Variants in LIMCH1 observed in about 807,000 individuals in gnomAD.
LIMCH1 encodes the protein LIM and calponin homology domains 1, also known as LIM and calponin homology domains-containing protein 1.
LIMCH1 carries 113 observed loss-of-function variants against 176.5 expected under a neutral mutation model. The ratio of observed to expected loss-of-function variants is 0.64; its 90% CI spans 0.55 to 0.75. The LOEUF is 0.75. Among genes scored for constraint, LIMCH1 ranks in the 30% least tolerant of loss-of-function variants. The probability of loss-of-function intolerance (pLI) is 0.00; values close to 1 mark genes in which losing one functional copy is unlikely to be tolerated. For synonymous variants in LIMCH1, 619 were observed against 645.9 expected, an observed-to-expected ratio of 0.96 and a Z score of 0.63; for missense variants, 1,674 against 1,814.9, an observed-to-expected ratio of 0.92 and a Z score of 1.41.
At chr4:41,543,450 G>C (rs1441099789) in intron 1 of LIMCH1, among the ~76,000 whole-genome samples, 1 of 152,078 alleles carries the variant, frequency 6.6e-6, no homozygotes, top group Non-Finnish European at 1.5e-5. Context: ...ATTTACTCAA[G>C]TAAGACTGTA....
intron 31 of LIMCH1, among the ~76,000 whole-genome samples, chr4:41,694,120 A>T (rs1344310805): frequency 6.6e-6 from 1 of 152,126 alleles, no homozygotes; most frequent in Non-Finnish European, 1.5e-5. Context: ...TAAGAAAGTG[A>T]TTTGGAGGTA....
At chr4:41,542,939 G>A (rs1365803356) in intron 1 of LIMCH1, among the ~76,000 whole-genome samples, 1 of 152,172 alleles carries the variant, frequency 6.6e-6, no homozygotes, top group Admixed American at 6.5e-5. Context: ...TTCGATGCTG[G>A]CAAAACTGAT....
chr4:41,427,107 A>C (rs1297996467), intron 1 of LIMCH1, among the ~76,000 whole-genome samples: 1 of 152,230 alleles, frequency 6.6e-6, no homozygotes, highest in East Asian at 1.9e-4. Flanking sequence ...TGGTGGTCAG[A>C]GAAAGTGGCA....
chr4:41,605,536 C>T (rs2090573640), intron 3 of LIMCH1, among the ~76,000 whole-genome samples: 1 of 152,220 alleles, frequency 6.6e-6, no homozygotes, highest in African/African-American at 2.4e-5. Context: ...CATTGCTTCT[C>T]TGGATAAAGA....
At chr4:41,544,256 G>A (rs1204385993) in intron 1 of LIMCH1, among the ~76,000 whole-genome samples, 5 of 152,136 alleles carry the variant, frequency 3.3e-5, no homozygotes, top group Non-Finnish European at 7.3e-5. Context: ...GTGACTCCTC[G>A]AAAGACTGTG....
At chr4:41,447,860 C>T (rs1296600873) in intron 1 of LIMCH1, among the ~76,000 whole-genome samples, 4 of 152,178 alleles carry the variant, frequency 2.6e-5, no homozygotes. Context: ...GCGCGATTTC[C>T]GCTGACTGCA....
chr4:41,525,242 G>A (rs537371729), intron 3 of LIMCH1, among the ~76,000 whole-genome samples: 10 of 150,362 alleles, frequency 6.7e-5, no homozygotes, highest in South Asian at 6.2e-4. Flanking sequence ...GCGTGCACAC[G>A]CGCGCGCACA....
chr4:41,516,414 C>T (rs2075588555), intron 2 of LIMCH1, among the ~76,000 whole-genome samples: 1 of 152,192 alleles, frequency 6.6e-6, no homozygotes. Context: ...AAAGCACTCT[C>T]TTCAGATTTA....
intron 3 of LIMCH1, 93 bp downstream of exon 3, chr4:41,603,998 T>C (rs2090344201): frequency 2.6e-6 from 3 of 1,169,088 alleles, no homozygotes; most frequent in African/African-American, 3.1e-5. Flanking sequence ...CTGGAAAAAG[T>C]CCTTAGAAAA....
chr4:41,527,497 C>G (rs2076776048), intron 3 of LIMCH1, among the ~76,000 whole-genome samples: 1 of 152,190 alleles, frequency 6.6e-6, no homozygotes, highest in African/African-American at 2.4e-5. Context: ...TGCAAAACAG[C>G]TGGCCTGTCC....
At chr4:41,630,524 C>G (rs929335191) in intron 9 of LIMCH1, among the ~76,000 whole-genome samples, 17 of 152,032 alleles carry the variant, frequency 1.1e-4, no homozygotes, top group African/African-American at 3.6e-4. Context: ...TTTTCTTATG[C>G]CCTTGTTTAT....
Position 41,464,577 on chromosome 4 carries a change from T to C in LIMCH1, c.97-29959T>C, listed in dbSNP as rs534157278. Among the ~76,000 whole-genome samples the C allele has an allele frequency of 1.2e-4, 18 of 152,094 alleles. No homozygotes were observed. In the East Asian group the frequency reaches 3.5e-3, roughly 30 times the overall value. On this transcript the variant is annotated intron_variant, in intron 1 of 26. Transcript: ENST00000313860. ...TTTTAGTAGAGACAGGGTTTCACCA[T>C]GTTGGTTGGGCTGGTCTCAAACTCC...
rs78030453 is a variant in LIMCH1 at position 41,372,191 on chromosome 4, C to A, written c.96+11255C>A. On this transcript the variant is annotated intron_variant, in intron 1 of 26. Coordinates refer to the LIMCH1 transcript ENST00000313860. ...TCTTTCCTCACACCCTTCCACCATG[C>A]GCTCTTGCCCCCCACCTTTTTGTGT... Among the ~76,000 whole-genome samples, 6 of 152,230 alleles carry A rather than the reference C, an allele frequency of 3.9e-5. No individual in the cohort carries two copies. The East Asian group carries it at 5.8e-4, about 15-fold the overall frequency.
intron 1 of LIMCH1, among the ~76,000 whole-genome samples, chr4:41,491,533 A>G (rs927342684): frequency 2.1e-5 from 3 of 142,360 alleles, no homozygotes; most frequent in African/African-American, 5.3e-5. Flanking sequence ...CACATCCCAT[A>G]CTGGGCGGCC....
At chr4:41,509,731 C>A (rs2074624343) in intron 2 of LIMCH1, among the ~76,000 whole-genome samples, 2 of 152,166 alleles carry the variant, frequency 1.3e-5, no homozygotes, top group African/African-American at 4.8e-5. Context: ...AGATGGAGAA[C>A]ATGGAAGGTG....
intron 1 of LIMCH1, among the ~76,000 whole-genome samples, chr4:41,376,719 G>T (rs1224046228): frequency 1.3e-5 from 2 of 152,110 alleles, no homozygotes; most frequent in Non-Finnish European, 2.9e-5. Context: ...AGAATTTTCT[G>T]CAATGTTTAC....
chr4:41,697,086 G>A, intron 31 of LIMCH1, 74 bp from the exon 32 acceptor site: 1 of 1,495,140 alleles, frequency 6.7e-7, no homozygotes, highest in South Asian at 1.1e-5. Context: ...TTGCTCATTA[G>A]GGAGGTTTTA....
At chr4:41,362,678 T>C (rs577727542) in intron 1 of LIMCH1, among the ~76,000 whole-genome samples, 1 of 152,324 alleles carries the variant, frequency 6.6e-6, no homozygotes, top group South Asian at 2.1e-4. Flanking sequence ...ATCTGAAGTG[T>C]ACACCTCCAT....
At position 41,472,250 on chromosome 4, in the gene LIMCH1, C is replaced by T. The variant is rs543138403; in HGVS notation, c.97-22286C>T. Among the ~76,000 whole-genome samples, 295 of 152,286 alleles carry T rather than the reference C, an allele frequency of 1.9e-3. 3 individuals are homozygous for T. Among genetic ancestry groups the T allele is most frequent in the South Asian group, 4.6e-3 (22 of 4,828 alleles). ...GTGTGCCAGTACAGCAAAGGCCAAA[C>T]GACACATGTAGGCGCCTGTTTGGCG... On this transcript the variant is annotated intron_variant, in intron 1 of 26. Transcript: ENST00000313860.
Sources: gnomAD v4.1 joint callset for allele counts (sites outside exome capture counted in the v4.1 genomes callset) on GRCh38, gnomAD v4.1.1 for gene constraint, MANE v1.5 for transcripts, NCBI Gene and HGNC (gene_info 2026-07-23, HGNC 2026-07-21) for gene names.